The following FBXO25 variants were observed in gnomAD, a reference collection of about 807,000 sequenced individuals.
The protein encoded by FBXO25 is F-box only protein 25.
A neutral mutation model predicts 51.9 loss-of-function variants in FBXO25; 45 were observed. The ratio of observed to expected loss-of-function variants is 0.87; its 90% CI spans 0.68 to 1.11. FBXO25 has a LOEUF of 1.11. Among genes scored for constraint, FBXO25 ranks in the 50% most tolerant of loss-of-function variants. FBXO25 has a pLI of 0.00. For synonymous variants in FBXO25, 199 were observed against 151.0 expected, an observed-to-expected ratio of 1.32 and a Z score of -2.33; for missense variants, 507 against 428.5, an observed-to-expected ratio of 1.18 and a Z score of -1.62.
At chr8:450,478 G>C (rs1216690296) in intron 6 of FBXO25, among the ~76,000 whole-genome samples, 2 of 152,178 alleles carry the variant, frequency 1.3e-5, no homozygotes, top group Non-Finnish European at 2.9e-5. Flanking sequence ...GCCTTGATAA[G>C]TTACTGGCTG....
At chr8:464,728 A>T (rs1183110041) in intron 9 of FBXO25, among the ~76,000 whole-genome samples, 2 of 152,226 alleles carry the variant, frequency 1.3e-5, no homozygotes, top group African/African-American at 4.8e-5. Flanking sequence ...AGAGAATGTA[A>T]AGATGTGTTT....
intron 2 of FBXO25, among the ~76,000 whole-genome samples, chr8:417,295 G>A (rs1199675905): frequency 5.3e-5 from 8 of 152,188 alleles, no homozygotes; most frequent in Admixed American, 5.2e-4. Flanking sequence ...GATTATTCTG[G>A]CTACCGTGTT....
chr8:440,493 T>A (rs1383428702), intron 5 of FBXO25, among the ~76,000 whole-genome samples: 5 of 152,186 alleles, frequency 3.3e-5, no homozygotes, highest in African/African-American at 1.2e-4. Flanking sequence ...CGTGAAGAGC[T>A]TTTTCATTAC....
chr8:446,086 C>T (rs1425645113), intron 5 of FBXO25, among the ~76,000 whole-genome samples: 1 of 152,066 alleles, frequency 6.6e-6, no homozygotes, highest in Admixed American at 6.5e-5. Flanking sequence ...TGAGTTCAGT[C>T]TTCTGTAATG....
intron 2 of FBXO25, among the ~76,000 whole-genome samples, chr8:425,135 C>A (rs938801416): frequency 6.6e-6 from 1 of 151,854 alleles, no homozygotes; most frequent in African/African-American, 2.4e-5. Context: ...CGCCCCCCGC[C>A]CCCCACATGT....
At chr8:463,551 T>C (rs1042182622) in intron 9 of FBXO25, among the ~76,000 whole-genome samples, 3 of 152,322 alleles carry the variant, frequency 2.0e-5, no homozygotes, top group Middle Eastern at 3.4e-3. Flanking sequence ...CGGCCCTTTA[T>C]GTCCCCACCG....
intron 7 of FBXO25, among the ~76,000 whole-genome samples, chr8:452,840 G>A (rs1437112862): frequency 6.6e-6 from 1 of 152,252 alleles, no homozygotes; most frequent in African/African-American, 2.4e-5. Flanking sequence ...AAAGGAGAAA[G>A]CAAGGGACAA....
intron 4 of FBXO25, among the ~76,000 whole-genome samples, chr8:435,204 T>A (rs1290015841): frequency 6.6e-6 from 1 of 152,158 alleles, no homozygotes; most frequent in East Asian, 1.9e-4. Context: ...AACTAGATAT[T>A]TGTAACACCT....
intron 2 of FBXO25, among the ~76,000 whole-genome samples, chr8:414,383 A>T (rs1052773773): frequency 6.6e-6 from 1 of 152,156 alleles, no homozygotes; most frequent in Non-Finnish European, 1.5e-5. Context: ...TATATCTAGA[A>T]ATGTCAGGTG....
chr8:408,600 G>C (rs1342237054), intron 1 of FBXO25, among the ~76,000 whole-genome samples: 1 of 152,226 alleles, frequency 6.6e-6, no homozygotes, highest in African/African-American at 2.4e-5. Context: ...GTAATGCGTA[G>C]CCTATGGTAA....
At chr8:458,274 G>A (rs1372116441) in intron 7 of FBXO25, 95 bp from the exon 8 acceptor site, 40 of 1,395,538 alleles carry the variant, frequency 2.9e-5, no homozygotes, top group Admixed American at 5.7e-5. Flanking sequence ...GTGTTACCAT[G>A]TTTTGAAGCA....
intron 7 of FBXO25, 91 bp downstream of exon 7, chr8:451,544 T>G (rs548956897): frequency 1.7e-6 from 2 of 1,211,158 alleles, no homozygotes; most frequent in African/African-American, 1.5e-5. Context: ...CTGCTATAGC[T>G]TTTTGAAAGA....
intron 5 of FBXO25, among the ~76,000 whole-genome samples, chr8:444,681 C>T (rs1454235605): frequency 6.6e-6 from 1 of 152,086 alleles, no homozygotes; most frequent in African/African-American, 2.4e-5. Flanking sequence ...CACTACATAA[C>T]GATGTTTTGG....
intron 5 of FBXO25, among the ~76,000 whole-genome samples, chr8:449,324 G>A (rs550962491): frequency 1.3e-5 from 2 of 152,386 alleles, no homozygotes; most frequent in South Asian, 2.1e-4. Context: ...TGGAGGGGCA[G>A]GTGGAGCAGC....
intron 5 of FBXO25, among the ~76,000 whole-genome samples, chr8:447,993 C>T (rs1798844850): frequency 2.6e-5 from 4 of 151,864 alleles, no homozygotes; most frequent in Non-Finnish European, 5.9e-5. Context: ...CAGGAGAAGA[C>T]AGAGATGTTT....
At chr8:436,455 A>C (rs1798108252) in intron 5 of FBXO25, among the ~76,000 whole-genome samples, 1 of 152,204 alleles carries the variant, frequency 6.6e-6, no homozygotes, top group Admixed American at 6.5e-5. Flanking sequence ...TAGGGAGTTA[A>C]ATAATTGTAA....
At chr8:460,442 C>T (rs570138661) in intron 8 of FBXO25, among the ~76,000 whole-genome samples, 7 of 151,952 alleles carry the variant, frequency 4.6e-5, no homozygotes, top group African/African-American at 7.2e-5. Flanking sequence ...CAGTAACTAA[C>T]ATTAAGGCCC....
At chr8:422,477 C>G (rs1261561404) in intron 2 of FBXO25, among the ~76,000 whole-genome samples, 1 of 152,080 alleles carries the variant, frequency 6.6e-6, no homozygotes, top group Non-Finnish European at 1.5e-5. Flanking sequence ...TGGACTGGGC[C>G]CAGCAGCAGA....
chr8:432,444 C>G lies in FBXO25; in HGVS notation c.239-442C>G, dbSNP rs185163423. ...AGGTGAAACTGTGAATACGGGGGGACTACTTTATGAAGAAGATAGGGTCAC... is the reference window on the plus strand; with the variant it reads ...AGGTGAAACTGTGAATACGGGGGGAGTACTTTATGAAGAAGATAGGGTCAC... On this transcript the variant is annotated intron_variant, in intron 3 of 9. Transcript: ENST00000350302. Among the ~76,000 whole-genome samples, 1,082 of 152,058 alleles carry G rather than the reference C, an allele frequency of 7.1e-3. 25 individuals carry two copies. The highest frequency in any genetic ancestry group is 4.8e-3 in the Non-Finnish European group (325 of 67,998).
Sources: gnomAD v4.1 joint callset for allele counts (sites outside exome capture counted in the v4.1 genomes callset) on GRCh38, gnomAD v4.1.1 for gene constraint, MANE v1.5 for transcripts, NCBI Gene and HGNC (gene_info 2026-07-23, HGNC 2026-07-21) for gene names.